Variants in GET1 observed in about 807,000 individuals in gnomAD.
The protein encoded by GET1 is congenital heart disease 5 protein.
GET1 carries 20 observed loss-of-function variants against 22.6 expected under a neutral mutation model. That is an observed-to-expected ratio of 0.89 (90% CI 0.62 to 1.29). The LOEUF is 1.29. Among genes scored for constraint, GET1 ranks in the 50% most tolerant of loss-of-function variants. The probability of loss-of-function intolerance (pLI) is 0.00; values close to 1 mark genes in which losing one functional copy is unlikely to be tolerated. For synonymous variants in GET1, 92 were observed against 83.8 expected, an observed-to-expected ratio of 1.10 and a Z score of -0.53; for missense variants, 209 against 219.9, an observed-to-expected ratio of 0.95 and a Z score of 0.31.
chr21:39,420,053 ATTAC>A (rs530375487), intron 1 of GET1, among the ~76,000 whole-genome samples: 54 of 152,208 alleles, frequency 3.5e-4, no homozygotes, highest in Non-Finnish European at 6.8e-4. Context: ...CAAACGCTGT[ATTAC>A]TTAACGTGAT....
downstream of GET1, among the ~76,000 whole-genome samples, chr21:39,400,161 G>GGTGTGT (rs113184350): frequency 1.3e-5 from 2 of 150,900 alleles, no homozygotes; most frequent in Admixed American, 6.6e-5. Context: ...TCATGGGAGA[G>GGTGTGT]GTGTGTGTGT....
At chr21:39,401,039 T>C (rs1373266199), downstream of GET1, among the ~76,000 whole-genome samples, 3 of 151,926 alleles carry the variant, frequency 2.0e-5, no homozygotes, top group Non-Finnish European at 2.9e-5. Flanking sequence ...GCCTCCTGAG[T>C]AGCTGGGATT....
chr21:39,410,002 T>C, downstream of GET1: 1 of 1,571,210 alleles, frequency 6.4e-7, no homozygotes, highest in Non-Finnish European at 8.7e-7. Context: ...CTTAGAATCC[T>C]CTTGCTTTGG....
intron 1 of GET1, chr21:39,420,885 G>A (rs367556328): frequency 1.3e-6 from 2 of 1,525,562 alleles, no homozygotes; most frequent in African/African-American, 2.8e-5. Flanking sequence ...AACCAAGTTA[G>A]TATGTTAAAA....
intron 1 of GET1, chr21:39,422,023 A>G (rs2073854390): frequency 6.6e-6 from 1 of 152,266 alleles, no homozygotes; most frequent in South Asian, 2.1e-4. Context: ...AGGCCCAATA[A>G]TATCACTTTG....
intron 1 of GET1, among the ~76,000 whole-genome samples, chr21:39,420,349 C>A (rs2042070009): frequency 6.6e-6 from 1 of 151,868 alleles, no homozygotes; most frequent in Admixed American, 6.6e-5. Context: ...CGGCAAAAGC[C>A]CGTCTCTACT....
At chr21:39,392,205 C>T (rs2038345931) in intron 3 of GET1, among the ~76,000 whole-genome samples, 1 of 152,132 alleles carries the variant, frequency 6.6e-6, no homozygotes, top group Non-Finnish European at 1.5e-5. Flanking sequence ...TACTTGTTAC[C>T]TGGTGTACTT....
intron 1 of GET1, among the ~76,000 whole-genome samples, chr21:39,424,027 T>C (rs1384906774): frequency 6.6e-6 from 1 of 152,132 alleles, no homozygotes; most frequent in Admixed American, 6.6e-5. Flanking sequence ...TTTTATTTTT[T>C]TTTGAGATGG....
In GET1 at chr21:39,390,691, C is replaced by T. The variant is rs780628533; in HGVS notation, c.103-7C>T. 6.2e-7 allele frequency: 1 copy of T among 1,613,850 alleles called. No individual in the cohort carries two copies. The highest frequency in any genetic ancestry group is 8.5e-7 in the Non-Finnish European group (1 of 1,179,950). ...AAGGTGCTGATCCCCGTTGTCCGCC[C>T]TGCCAGATGTCCAGGGTGCTGCAGA... On this transcript the variant is annotated splice_polypyrimidine_tract_variant and splice_region_variant and intron_variant, in intron 1 of 4. Coordinates refer to ENST00000649170, the MANE Select transcript of GET1 (RefSeq NM_004627.6).
intron 1 of GET1, among the ~76,000 whole-genome samples, chr21:39,415,352 CTT>C (rs982937873): frequency 1.2e-4 from 19 of 152,012 alleles, no homozygotes; most frequent in African/African-American, 4.6e-4. Context: ...CCCTTTGAAA[CTT>C]TATTATACAA....
At position 39,414,740 on chromosome 21, in the gene GET1, CTCTG is replaced by C. The variant is rs1322277909; in HGVS notation, c.*23+3805_*23+3808del. ...TCTCTCTCTCTCTCTCTCTCTCTCTCTCTGTGTGTGTGTGTGTGTGTGTGTGTGT... is the reference window on the plus strand; with the variant it reads ...TCTCTCTCTCTCTCTCTCTCTCTCTCTGTGTGTGTGTGTGTGTGTGTGTGT... On this transcript the variant is annotated intron_variant, in intron 1 of 1. Transcript: ENST00000478273. Among the ~76,000 whole-genome samples the C allele has an allele frequency of 8.3e-4, 86 of 104,102 alleles. 1 individual carries two copies. Among genetic ancestry groups the C allele is most frequent in the African/African-American group, 2.2e-3 (54 of 24,848 alleles). The allele number at this position is 104,102 out of a possible 152,430, so 68.3% of individuals were successfully genotyped here.
intron 1 of GET1, among the ~76,000 whole-genome samples, chr21:39,389,891 C>T (rs1012026824): frequency 6.6e-6 from 1 of 152,162 alleles, no homozygotes; most frequent in Non-Finnish European, 1.5e-5. Context: ...TGTTCCCTGT[C>T]ACTGGAATAA....
intron 1 of GET1, among the ~76,000 whole-genome samples, chr21:39,416,677 T>A (rs1329843509): frequency 2.0e-5 from 3 of 151,980 alleles, no homozygotes; most frequent in East Asian, 3.8e-4. Flanking sequence ...TTTTTGTCCA[T>A]CCCCCAAATC....
Position 39,393,403 on chromosome 21 carries a change from C to T in GET1, c.451+123C>T, listed in dbSNP as rs78034696. 4.9e-3 allele frequency: 3,687 copies of T among 748,288 alleles called. 102 individuals carry two copies. The African/African-American group carries it at 0.058, about 12-fold the overall frequency. 46.4% of individuals were successfully genotyped at this position (748,288 alleles called of 1,614,324 possible). On this transcript the variant is annotated intron_variant, in intron 4 of 4. Transcript: ENST00000649170. ...CCATTTAGTGAGCGGGGTTTTGTGT[C>T]TCAGCCTCACATGAGGCTTCCCATG...
chr21:39,405,964 G>T, exon 5 of GET1: 1 of 1,614,130 alleles, frequency 6.2e-7, no homozygotes, highest in Non-Finnish European at 8.5e-7. Context: ...GTCTCCGAAA[G>T]CATGGCTGGT....
chr21:39,389,289 C>CT lies in GET1; in HGVS notation c.103-1399dup, dbSNP rs34155270. ...ACCTGGCCTTTTTTCTTTTGTCCCC[C>CT]TTTTTTTTTTGAGACAAGGTCTCAC... is the stretch of plus-strand genomic sequence containing the variant. On this transcript the variant is annotated intron_variant, in intron 1 of 4. Coordinates refer to ENST00000649170, the MANE Select transcript of GET1 (RefSeq NM_004627.6). 2.5e-3 allele frequency among the ~76,000 whole-genome samples: 376 copies of CT among 148,374 alleles called. 2 individuals carry two copies. Among genetic ancestry groups the CT allele is most frequent in the Middle Eastern group, 0.024 (7 of 290 alleles).
At position 39,381,023 on chromosome 21, in the gene GET1, G is replaced by C. The variant is rs1290712257; in HGVS notation, c.102+537G>C. ...GTTGGGGAACACTCTCTTTCTGCCA[G>C]GTAGTGAGTACATTACCTCTGTCTC... On this transcript the variant is annotated intron_variant, in intron 1 of 4. Transcript: ENST00000649170. The C allele has an allele frequency of 3.0e-5, 26 of 881,250 alleles. 1 individual carries two copies. The Admixed American group carries it at 4.3e-4, about 15-fold the overall frequency. The allele number at this position is 881,250 out of a possible 1,614,324, so 54.6% of individuals were successfully genotyped here. A position where few individuals can be genotyped will look rare whatever the true frequency, so the allele number is the denominator to read the frequency against.
intron 1 of GET1, among the ~76,000 whole-genome samples, chr21:39,425,101 T>C (rs2074436933): frequency 6.6e-6 from 1 of 152,220 alleles, no homozygotes; most frequent in Non-Finnish European, 1.5e-5. Flanking sequence ...CAAGTGTATG[T>C]ATTCATATAT....
intron 1 of GET1, among the ~76,000 whole-genome samples, chr21:39,415,214 C>G (rs1175490518): frequency 2.0e-5 from 3 of 152,118 alleles, no homozygotes; most frequent in African/African-American, 4.8e-5. Flanking sequence ...TTAAAAATAA[C>G]ATTTTCTGTC....
Sources: gnomAD v4.1 joint callset for allele counts (sites outside exome capture counted in the v4.1 genomes callset) on GRCh38, gnomAD v4.1.1 for gene constraint, MANE v1.5 for transcripts, NCBI Gene and HGNC (gene_info 2026-07-23, HGNC 2026-07-21) for gene names.